The following SCAF8 variants were observed in gnomAD, a reference collection of about 807,000 sequenced individuals.
SCAF8 encodes the protein SR-related and CTD-associated factor 8.
SCAF8 carries 23 observed loss-of-function variants against 140.5 expected under a neutral mutation model. The ratio of observed to expected loss-of-function variants is 0.16; its 90% CI spans 0.12 to 0.23. SCAF8 has a LOEUF of 0.23. Among genes scored for constraint, SCAF8 ranks in the 10% least tolerant of loss-of-function variants. The pLI is 1.00. For synonymous variants in SCAF8, 575 were observed against 528.9 expected (o/e 1.09, Z -1.20); for missense variants, 1,397 against 1,555.7 (o/e 0.90, Z 1.72).
chr6:154,831,517 C>G (rs1778732726), intron 19 of SCAF8, among the ~76,000 whole-genome samples: 1 of 151,936 alleles, frequency 6.6e-6, no homozygotes, highest in Non-Finnish European at 1.5e-5. Context: ...TATTATCCAG[C>G]TAGCTCTAGA....
intron 2 of SCAF8, among the ~76,000 whole-genome samples, chr6:154,777,620 A>G (rs1320696799): frequency 6.6e-6 from 1 of 152,236 alleles, no homozygotes; most frequent in Admixed American, 6.5e-5. Flanking sequence ...ATAAAATCAT[A>G]CTGTATGAAA....
At position 154,793,595 on chromosome 6, in the gene SCAF8, G is replaced by A. The variant is rs184137338; in HGVS notation, c.475+619G>A. Among the ~76,000 whole-genome samples, 18 of 151,662 alleles carry A rather than the reference G, an allele frequency of 1.2e-4. 1 individual carries two copies. Among genetic ancestry groups the A allele is most frequent in the Admixed American group, 5.9e-4 (9 of 15,240 alleles). ...TTTGGGAGGCCGAGGCAGGCAGATCGCCTGAGGTCAGGAGTTGGAGAGCAG... is the reference window on the plus strand; with the variant it reads ...TTTGGGAGGCCGAGGCAGGCAGATCACCTGAGGTCAGGAGTTGGAGAGCAG... On this transcript the variant is annotated intron_variant, in intron 5 of 19. Coordinates refer to ENST00000367178, the MANE Select transcript of SCAF8 (RefSeq NM_014892.5).
chr6:154,772,399 T>A (rs1409811810), intron 1 of SCAF8, among the ~76,000 whole-genome samples: 1 of 152,110 alleles, frequency 6.6e-6, no homozygotes, highest in Non-Finnish European at 1.5e-5. Flanking sequence ...AAACAAAGAT[T>A]TGGAGGTAGG....
chr6:154,810,654 A>G (rs2114650274), intron 12 of SCAF8, among the ~76,000 whole-genome samples: 1 of 152,318 alleles, frequency 6.6e-6, no homozygotes, highest in Non-Finnish European at 1.5e-5. Context: ...TACTGTACAA[A>G]CCTTGCACGG....
At chr6:154,823,812 G>C (rs1009350030) in intron 16 of SCAF8, among the ~76,000 whole-genome samples, 1 of 152,184 alleles carries the variant, frequency 6.6e-6, no homozygotes, top group African/African-American at 2.4e-5. Context: ...ACTTTACCTA[G>C]AGTGAGTAAA....
chr6:154,770,590 A>T (rs1776729053), intron 1 of SCAF8, among the ~76,000 whole-genome samples: 1 of 152,116 alleles, frequency 6.6e-6, no homozygotes, highest in Non-Finnish European at 1.5e-5. Context: ...GAGAAAAAAA[A>T]AAATTCTTAG....
intron 17 of SCAF8, among the ~76,000 whole-genome samples, chr6:154,826,174 CTT>C (rs1044111430): frequency 9.9e-5 from 15 of 151,828 alleles, no homozygotes; most frequent in African/African-American, 1.7e-4. Flanking sequence ...ATTTTAATAA[CTT>C]TATTTTAAAT....
intron 1 of SCAF8, among the ~76,000 whole-genome samples, chr6:154,737,104 A>G (rs925160852): frequency 6.6e-6 from 1 of 152,230 alleles, no homozygotes; most frequent in African/African-American, 2.4e-5. Context: ...GTAGTTCAGT[A>G]ATGATTGTTT....
Position 154,750,248 on chromosome 6 carries a change from A to G in SCAF8, c.30+16318A>G, listed in dbSNP as rs570094146. Among the ~76,000 whole-genome samples, 3 of 152,318 alleles carry G rather than the reference A, an allele frequency of 2.0e-5. No individual in the cohort carries two copies. The South Asian group carries it at 6.2e-4, about 32-fold the overall frequency. On this transcript the variant is annotated intron_variant, in intron 1 of 19. Coordinates refer to ENST00000367178, the MANE Select transcript of SCAF8 (RefSeq NM_014892.5). ...TGGTTACTGTTTTGTTAAGTACAGT[A>G]GTTTGTACATCTTGAATATTTGTTG... is the stretch of plus-strand genomic sequence containing the variant.
rs775306209 is a variant in SCAF8, at chr6:154,818,433, G to A, written c.1522-46G>A. The stretch of plus-strand genomic sequence containing the variant: ...CATTTAAACCATAAAATACCAGAAT[G>A]AGTTTCTGTTCTTATACCTTTTCTT... On this transcript the variant is annotated intron_variant, in intron 13 of 19. Transcript: ENST00000367178. The A allele has an allele frequency of 5.2e-6, 5 of 958,364 alleles. No individual in the cohort carries two copies. In the South Asian group the frequency reaches 8.0e-5, roughly 15 times the overall value. 59.4% of individuals were successfully genotyped at this position (958,364 alleles called of 1,614,324 possible).
At chr6:154,828,434 C>T (rs951871617) in intron 18 of SCAF8, among the ~76,000 whole-genome samples, 2 of 151,982 alleles carry the variant, frequency 1.3e-5, no homozygotes, top group Non-Finnish European at 2.9e-5. Context: ...TCTTCTCCTC[C>T]CTTGTCCCTC....
chr6:154,799,978 G>A lies in SCAF8; in HGVS notation c.607-1993G>A, dbSNP rs537307961. Among the ~76,000 whole-genome samples, 71 of 150,936 alleles carry A rather than the reference G, an allele frequency of 4.7e-4. 2 individuals are homozygous for A. The highest frequency in any genetic ancestry group is 3.4e-3 in the Middle Eastern group (1 of 294). ...TTTTGTATTTTTTAGTAGAGACAAG[G>A]TTTCACCTTGTTGGCCAGGCTGGTC... On this transcript the variant is annotated intron_variant, in intron 6 of 19. Coordinates refer to ENST00000367178, the MANE Select transcript of SCAF8 (RefSeq NM_014892.5).
At chr6:154,753,508 G>A (rs767660639) in intron 1 of SCAF8, among the ~76,000 whole-genome samples, 3 of 151,166 alleles carry the variant, frequency 2.0e-5, no homozygotes, top group East Asian at 3.9e-4. Flanking sequence ...ACATAGTGGC[G>A]GGCGCCTGTA....
intron 1 of SCAF8, among the ~76,000 whole-genome samples, chr6:154,743,703 G>A (rs2114795804): frequency 6.6e-6 from 1 of 152,122 alleles, no homozygotes. Context: ...CCTAATTAAT[G>A]GCTTTCTTTG....
At chr6:154,820,359 G>T in intron 15 of SCAF8, 26 bp downstream of exon 15, 1 of 1,578,112 alleles carries the variant, frequency 6.3e-7, no homozygotes, top group Non-Finnish European at 8.6e-7. Context: ...TCTTTTTATT[G>T]TTAAAAAAAA....
At chr6:154,815,363 T>C (rs1488544672) in intron 12 of SCAF8, among the ~76,000 whole-genome samples, 1 of 152,186 alleles carries the variant, frequency 6.6e-6, no homozygotes, top group Non-Finnish European at 1.5e-5. Context: ...TTTGAAACTT[T>C]GTTGCACATT....
chr6:154,762,739 C>T (rs886304543), intron 1 of SCAF8, among the ~76,000 whole-genome samples: 1 of 152,182 alleles, frequency 6.6e-6, no homozygotes, highest in Non-Finnish European at 1.5e-5. Flanking sequence ...AGTTTCATTA[C>T]TATCACTTAT....
At position 154,802,001 on chromosome 6, in the gene SCAF8, C is replaced by G; in HGVS notation, c.637C>G (p.Gln213Glu). The G allele has an allele frequency of 1.9e-6, 3 of 1,606,440 alleles. No homozygotes were observed. The highest frequency in any genetic ancestry group is 2.5e-6 in the Non-Finnish European group (3 of 1,177,192). ...LQQLIQTLQI[Q>E]QQKPQPSILQ... ...ACAATTAATACAAACCTTACAGATA[C>G]AACAACAGAAGCCCCAGCCTTCCAT... Residue 213 changes from glutamine to glutamate, a missense_variant, in exon 7 of 20, where the codon CAA becomes GAA. Coordinates refer to ENST00000367178, the MANE Select transcript of SCAF8 (RefSeq NM_014892.5).
At chr6:154,783,929 CG>C (rs1777159083) in intron 3 of SCAF8, among the ~76,000 whole-genome samples, 1 of 151,562 alleles carries the variant, frequency 6.6e-6, no homozygotes, top group African/African-American at 2.4e-5. Flanking sequence ...TAGGCAGGCG[CG>C]GTAGCACATG....
Sources: gnomAD v4.1 joint callset for allele counts (sites outside exome capture counted in the v4.1 genomes callset) on GRCh38, gnomAD v4.1.1 for gene constraint, MANE v1.5 for transcripts, NCBI Gene and HGNC (gene_info 2026-07-23, HGNC 2026-07-21) for gene names.